Variants in RNF220 observed in about 807,000 individuals in gnomAD.
RNF220 encodes the protein E3 ubiquitin-protein ligase RNF220.
In RNF220, 7 loss-of-function variants were observed where a neutral mutation model predicts 67.1. That is an observed-to-expected ratio of 0.10 (90% CI 0.06 to 0.20). RNF220 has a LOEUF of 0.20. RNF220 is among the 10% of genes least tolerant of loss of function. The pLI is 1.00. For synonymous variants in RNF220, 270 were observed against 283.2 expected (o/e 0.95, Z 0.47); for missense variants, 565 against 740.3 (o/e 0.76, Z 2.75).
At chr1:44,623,935 G>T (rs541459262) in intron 4 of RNF220, among the ~76,000 whole-genome samples, 1 of 152,256 alleles carries the variant, frequency 6.6e-6, no homozygotes, top group Non-Finnish European at 1.5e-5. Context: ...TGACCTCTAA[G>T]AGGGCAGTTT....
At chr1:44,480,809 G>A (rs1055781155) in intron 2 of RNF220, among the ~76,000 whole-genome samples, 2 of 151,940 alleles carry the variant, frequency 1.3e-5, no homozygotes, top group Non-Finnish European at 2.9e-5. Flanking sequence ...TTGCTGGAAC[G>A]TGGGAGGCAG....
chr1:44,537,941 G>A (rs539859867), intron 2 of RNF220, among the ~76,000 whole-genome samples: 5 of 152,182 alleles, frequency 3.3e-5, no homozygotes, highest in Admixed American at 6.5e-5. Context: ...TTCTCAAGGC[G>A]TAGCTTCTCA....
intron 3 of RNF220, among the ~76,000 whole-genome samples, chr1:44,615,354 C>T (rs958141624): frequency 2.6e-5 from 4 of 152,114 alleles, no homozygotes; most frequent in Admixed American, 6.5e-5. Context: ...AGAGGACATA[C>T]ACCCCCCTTT....
chr1:44,551,790 A>G (rs1662659601), intron 2 of RNF220, among the ~76,000 whole-genome samples: 1 of 152,238 alleles, frequency 6.6e-6, no homozygotes, highest in African/African-American at 2.4e-5. Context: ...CTGAGATTTT[A>G]CCACGCACTT....
intron 2 of RNF220, among the ~76,000 whole-genome samples, chr1:44,500,045 C>T (rs1003219639): frequency 2.6e-5 from 4 of 152,180 alleles, no homozygotes; most frequent in African/African-American, 7.2e-5. Flanking sequence ...TATCTCTCAC[C>T]TAGACAATTT....
chr1:44,433,623 T>C (rs748796006), intron 2 of RNF220, among the ~76,000 whole-genome samples: 1 of 152,252 alleles, frequency 6.6e-6, no homozygotes, highest in Non-Finnish European at 1.5e-5. Flanking sequence ...GTTTGGTAAG[T>C]GCAAATTTTA....
chr1:44,597,412 C>T (rs538782873), intron 2 of RNF220, among the ~76,000 whole-genome samples: 96 of 151,332 alleles, frequency 6.3e-4, no homozygotes, highest in African/African-American at 2.1e-3. Flanking sequence ...AGACAGAAAA[C>T]GTACATCCTT....
In RNF220 at chr1:44,606,977, G is replaced by A. The variant is rs1557430470; in HGVS notation, c.626-7188G>A. Among the ~76,000 whole-genome samples the A allele has an allele frequency of 6.6e-6, 1 of 152,090 alleles. No individual in the cohort carries two copies. Among genetic ancestry groups the A allele is most frequent in the Non-Finnish European group, 1.5e-5 (1 of 68,014 alleles). ...CTCAACTCATTTTCTTCCTTACCAAGCTTGCTGCTCCTCCTCCCATTCCAT... is the reference window on the plus strand; with the variant it reads ...CTCAACTCATTTTCTTCCTTACCAAACTTGCTGCTCCTCCTCCCATTCCAT... On this transcript the variant is annotated intron_variant, in intron 2 of 14. Coordinates refer to ENST00000361799, the MANE Select transcript of RNF220 (RefSeq NM_018150.4). This position sits in a 1 kb window ranked among gnomAD's most constrained non-coding sequence, Gnocchi z 4.2.
At chr1:44,486,233 G>A (rs143190032) in intron 2 of RNF220, among the ~76,000 whole-genome samples, 1 of 151,878 alleles carries the variant, frequency 6.6e-6, no homozygotes, top group Admixed American at 6.6e-5. Context: ...AAAGTGAAAG[G>A]GGGGGGCCTT....
chr1:44,594,654 G>A (rs1666349929), intron 2 of RNF220, among the ~76,000 whole-genome samples: 2 of 152,220 alleles, frequency 1.3e-5, no homozygotes, highest in Non-Finnish European at 2.9e-5. Flanking sequence ...AGAAGGTATG[G>A]CAGAGGACCA....
intron 2 of RNF220, among the ~76,000 whole-genome samples, chr1:44,596,823 G>A (rs545072781): frequency 1.3e-5 from 2 of 152,262 alleles, no homozygotes; most frequent in South Asian, 2.1e-4. Flanking sequence ...CCTCTAGTCC[G>A]CTCTCAACTA....
intron 2 of RNF220, among the ~76,000 whole-genome samples, chr1:44,532,906 G>A (rs1660938422): frequency 6.6e-6 from 1 of 152,222 alleles, no homozygotes; most frequent in Non-Finnish European, 1.5e-5. Context: ...AGCAGGGGAG[G>A]AAGAGGGGAG....
intron 2 of RNF220, among the ~76,000 whole-genome samples, chr1:44,468,327 A>C (rs1049927686): frequency 1.1e-4 from 17 of 152,136 alleles, no homozygotes; most frequent in African/African-American, 4.1e-4. Context: ...CAATTTGGCA[A>C]TATCTATCAG....
intron 2 of RNF220, among the ~76,000 whole-genome samples, chr1:44,443,118 T>C (rs1651731552): frequency 6.6e-6 from 1 of 152,232 alleles, no homozygotes; most frequent in Admixed American, 6.5e-5. Context: ...GCTTCACTCA[T>C]GTGTATCTGG....
At chr1:44,633,234 C>A (rs1270664816) in intron 6 of RNF220, among the ~76,000 whole-genome samples, 1 of 152,202 alleles carries the variant, frequency 6.6e-6, no homozygotes, top group African/African-American at 2.4e-5. Context: ...ATTCTCACAA[C>A]GCCTCTGAGA....
In RNF220 at chr1:44,649,616, TG is replaced by T. The variant is rs746932263; in HGVS notation, c.1446-44del. On this transcript the variant is annotated intron_variant, in intron 12 of 14. Transcript: ENST00000361799. This position sits in a 1 kb window ranked among gnomAD's most constrained non-coding sequence, Gnocchi z 5.9. ...GGGAGGCGTAGGCTGGAGGTACAGA[TG>T]AGAGATGCCAGCCTGCTACCCAACC... is the stretch of plus-strand genomic sequence containing the variant. 2 of 1,571,358 alleles carry T rather than the reference TG, an allele frequency of 1.3e-6. No homozygotes were observed. Among genetic ancestry groups the T allele is most frequent in the South Asian group, 2.2e-5 (2 of 90,160 alleles).
chr1:44,586,488 G>C (rs1006323610), intron 2 of RNF220, among the ~76,000 whole-genome samples: 4 of 152,138 alleles, frequency 2.6e-5, no homozygotes, highest in African/African-American at 9.7e-5. Context: ...CCTGAGGAGG[G>C]GGTCACAGCT....
chr1:44,635,903 G>A (rs1436013330), intron 7 of RNF220, 127 bp from the exon 8 acceptor site: 12 of 1,493,078 alleles, frequency 8.0e-6, no homozygotes, highest in East Asian at 2.3e-5. Context: ...TTGCTTCAAA[G>A]GAGCCCTAGA....
intron 2 of RNF220, among the ~76,000 whole-genome samples, chr1:44,563,991 T>A (rs1201531000): frequency 6.6e-6 from 1 of 152,144 alleles, no homozygotes; most frequent in East Asian, 1.9e-4. Context: ...AATTCAACAT[T>A]TATTAGATAC....
Sources: gnomAD v4.1 joint callset for allele counts (sites outside exome capture counted in the v4.1 genomes callset) on GRCh38, gnomAD v4.1.1 for gene constraint, Gnocchi (gnomAD v3.1) non-coding constraint, MANE v1.5 for transcripts, NCBI Gene and HGNC (gene_info 2026-07-23, HGNC 2026-07-21) for gene names.